The following EZH2 variants were observed in gnomAD, a reference collection of about 807,000 sequenced individuals.
EZH2 encodes the protein enhancer of zeste 2 polycomb repressive complex 2 subunit.
Under a neutral mutation model 98.4 loss-of-function variants are expected in EZH2, and 18 were observed. That is an observed-to-expected ratio of 0.18 (90% CI 0.13 to 0.27). The LOEUF (loss-of-function observed/expected upper bound fraction) is 0.27. EZH2 is among the 10% of genes least tolerant of loss of function. The probability of loss-of-function intolerance (pLI) is 1.00; values close to 1 mark genes in which losing one functional copy is unlikely to be tolerated. For missense variants in EZH2, 470 were observed against 935.1 expected, an observed-to-expected ratio of 0.50 and a Z score of 6.49; for synonymous variants, 338 against 312.3, an observed-to-expected ratio of 1.08 and a Z score of -0.87.
chr7:148,807,452 G>A lies in EZH2; in HGVS notation c.*194C>T. The A allele has an allele frequency of 1.7e-6, 1 of 586,546 alleles. No individual in the cohort carries two copies. Among genetic ancestry groups the A allele is most frequent in the Non-Finnish European group, 3.0e-6 (1 of 328,172 alleles). 36.3% of individuals were successfully genotyped at this position (586,546 alleles called of 1,614,324 possible). A position where few individuals can be genotyped will look rare whatever the true frequency, so the allele number is the denominator to read the frequency against. On this transcript the variant is annotated 3_prime_UTR_variant, in exon 20 of 20. Coordinates refer to ENST00000320356, the MANE Select transcript of EZH2 (RefSeq NM_004456.5). ...ACTGCATTATTGCAAAAATTCACTG[G>A]TACAAAACACTTTGCAGCTGGTGAG...
Position 148,814,940 on chromosome 7 carries a change from T to C in EZH2, c.1646A>G (p.Glu549Gly). Residue 549 changes from glutamate to glycine, a missense_variant, in exon 14 of 20, where the codon GAA becomes GGA. Glu to Gly is a moderately conservative substitution (Grantham distance 98). Transcript: ENST00000320356. ...CTCTGAACTACATTGACAAAACTTT[T>C]CACAAAAATTTTGTGCTATCACACA... ...CPCVIAQNFC[E>G]KFCQCSSECQ... 6.2e-7 allele frequency: 1 copy of C among 1,613,338 alleles called. No individual in the cohort carries two copies. The highest frequency in any genetic ancestry group is 8.5e-7 in the Non-Finnish European group (1 of 1,179,980).
intron 1 of EZH2, among the ~76,000 whole-genome samples, chr7:148,852,971 T>C (rs1816123855): frequency 6.6e-6 from 1 of 152,118 alleles, no homozygotes. Flanking sequence ...ACATAACGTA[T>C]ACACATTCTC....
intron 1 of EZH2, among the ~76,000 whole-genome samples, chr7:148,864,461 T>C (rs1818141969): frequency 1.3e-5 from 2 of 152,096 alleles, no homozygotes; most frequent in African/African-American, 2.4e-5. Context: ...GGCAGGCAGA[T>C]TGCCTGAGTC....
chr7:148,813,316 C>G (rs1803667619), intron 15 of EZH2, among the ~76,000 whole-genome samples: 1 of 133,404 alleles, frequency 7.5e-6, no homozygotes, highest in Non-Finnish European at 1.6e-5. Flanking sequence ...GAAGAAAGAA[C>G]TTATCATCTG....
chr7:148,824,632 A>C (rs1232192482), intron 8 of EZH2, among the ~76,000 whole-genome samples: 1 of 152,214 alleles, frequency 6.6e-6, no homozygotes, highest in East Asian at 1.9e-4. Flanking sequence ...ATTTCTCAGA[A>C]TGCATCTCCG....
intron 4 of EZH2, 35 bp from the exon 5 acceptor site, chr7:148,829,883 A>C (rs1284478956): frequency 4.8e-6 from 7 of 1,466,934 alleles, no homozygotes; most frequent in South Asian, 1.3e-5. Context: ...AAGCAGGTTT[A>C]CTCTAAGTAT....
chr7:148,820,551 GAAAA>G (rs778312083), intron 8 of EZH2, among the ~76,000 whole-genome samples: 3 of 123,378 alleles, frequency 2.4e-5, no homozygotes, highest in Admixed American at 1.6e-4. Flanking sequence ...GAAAAGGAAG[GAAAA>G]AAAAAAAAAA....
intron 11 of EZH2, 110 bp downstream of exon 11, chr7:148,817,112 G>A (rs1804765819): frequency 1.2e-5 from 12 of 996,472 alleles, no homozygotes; most frequent in South Asian, 2.1e-5. Flanking sequence ...ATTTTTAGGA[G>A]ATGAATAGGA....
intron 1 of EZH2, among the ~76,000 whole-genome samples, chr7:148,871,998 A>G (rs190030650): frequency 4.9e-3 from 752 of 152,334 alleles, no homozygotes; most frequent in African/African-American, 0.017. Flanking sequence ...CAGGATCTCA[A>G]AGAGATATTT....
rs971790120 is a variant in EZH2, at chr7:148,838,502, G to A, written c.247-5752C>T. 2.0e-5 allele frequency among the ~76,000 whole-genome samples: 3 copies of A among 152,046 alleles called. No individual in the cohort carries two copies. The South Asian group carries it at 6.2e-4, about 32-fold the overall frequency. On this transcript the variant is annotated intron_variant, in intron 3 of 19. Coordinates refer to ENST00000320356, the MANE Select transcript of EZH2 (RefSeq NM_004456.5). ...ACAGAATAATCATCACAGGTAGTAA[G>A]CACTCAAAAAAGTACATGAAGCAGG...
intron 1 of EZH2, among the ~76,000 whole-genome samples, chr7:148,881,953 C>T (rs1244671912): frequency 5.1e-5 from 4 of 77,770 alleles, no homozygotes; most frequent in Non-Finnish European, 7.0e-5. Flanking sequence ...AAAACATATA[C>T]ACACACACAC....
chr7:148,817,477 C>A (rs990163387), intron 10 of EZH2, 86 bp from the exon 11 acceptor site: 1 of 1,378,178 alleles, frequency 7.3e-7, no homozygotes, highest in South Asian at 1.4e-5. Context: ...AAGAAAAAAG[C>A]GAAAAGATGA....
Position 148,815,055 on chromosome 7 carries a change from A to G in EZH2, c.1547-16T>C. The G allele has an allele frequency of 6.2e-7, 1 of 1,612,224 alleles. No individual in the cohort carries two copies. Among genetic ancestry groups the G allele is most frequent in the Non-Finnish European group, 8.5e-7 (1 of 1,179,076 alleles). ...GAGGAGCCGTCTGAGTAAAGATAAC[A>G]TCATGCAGGCCAATGAATCCAGGGA... On this transcript the variant is annotated splice_polypyrimidine_tract_variant and intron_variant, in intron 13 of 19. Coordinates refer to ENST00000320356, the MANE Select transcript of EZH2 (RefSeq NM_004456.5).
intron 1 of EZH2, chr7:148,876,292 G>GA (rs112143426): frequency 0.17 from 25,254 of 144,480 alleles, 2,237 homozygotes; most frequent in East Asian, 0.25. Context: ...ATCTTGGAGG[G>GA]AAAAAAAAAA....
chr7:148,809,659 TAGC>T (rs1309483664), intron 17 of EZH2, among the ~76,000 whole-genome samples: 1 of 74,122 alleles, frequency 1.3e-5, no homozygotes, highest in African/African-American at 6.9e-5. Flanking sequence ...GAGCAAAACA[TAGC>T]AAAAAAAAAA....
In EZH2 at chr7:148,814,992, G is replaced by C; in HGVS notation, c.1594C>G (p.Arg532Gly). The change falls in exon 14 of 20, where the codon CGG (arginine) becomes GGG (glycine). Residue 532 changes from arginine to glycine, a missense_variant. By Grantham distance (125) the Arg-to-Gly change is moderately radical. Around this residue, in one of 6 missense-constraint regions of EZH2, gnomAD observed 106 missense variants for 327.2 expected, o/e 0.32. Coordinates refer to ENST00000320356, the MANE Select transcript of EZH2 (RefSeq NM_004456.5). ...GGGCACGAACTGTCACAAGGCTGCC[G>C]TGGATGATCACAGGGTTGATAGTTG... ...VYNYQPCDHP[R>G]QPCDSSCPCV... 6.2e-7 allele frequency: 1 copy of C among 1,613,986 alleles called. No homozygotes were observed. The highest frequency in any genetic ancestry group is 8.5e-7 in the Non-Finnish European group (1 of 1,179,978).
intron 1 of EZH2, among the ~76,000 whole-genome samples, chr7:148,862,376 C>T (rs572313319): frequency 2.6e-5 from 4 of 152,306 alleles, no homozygotes; most frequent in Admixed American, 1.3e-4. Context: ...TTAATCTCAT[C>T]AGAAAGTCTT....
chr7:148,848,528 T>A (rs1814811393), intron 1 of EZH2, among the ~76,000 whole-genome samples: 1 of 152,146 alleles, frequency 6.6e-6, no homozygotes, highest in African/African-American at 2.4e-5. Context: ...GAAGAAGATT[T>A]AGAGTAAGAG....
chr7:148,858,432 C>T (rs778417851), intron 1 of EZH2, among the ~76,000 whole-genome samples: 5 of 152,108 alleles, frequency 3.3e-5, no homozygotes, highest in Admixed American at 6.5e-5. Flanking sequence ...AACATCTGGG[C>T]CCAAATGATA....
Sources: gnomAD v4.1 joint callset for allele counts (sites outside exome capture counted in the v4.1 genomes callset) on GRCh38, gnomAD v4.1.1 for gene constraint, gnomAD v4.1.1 regional missense constraint, MANE v1.5 for transcripts, NCBI Gene and HGNC (gene_info 2026-07-23, HGNC 2026-07-21) for gene names.